ZMYND19: variants seen among roughly 807,000 people sequenced by gnomAD.
The protein encoded by ZMYND19 is zinc finger MYND domain-containing protein 19.
A neutral mutation model predicts 32.0 loss-of-function variants in ZMYND19; 17 were observed. The observed-to-expected ratio is 0.53, with a 90% CI of 0.36 to 0.80. The LOEUF (loss-of-function observed/expected upper bound fraction) is 0.80, where lower values mean the gene tolerates loss of function less well. Ranked by LOEUF, ZMYND19 falls within the 30% of genes least tolerant of loss-of-function variation. ZMYND19 has a pLI of 0.00. For missense variants in ZMYND19, 250 were observed against 293.6 expected (o/e 0.85, Z 1.09); for synonymous variants, 124 against 113.6 (o/e 1.09, Z -0.58).
At chr9:137,587,574 G>A in intron 3 of ZMYND19, 143 bp downstream of exon 3, 1 of 728,454 alleles carries the variant, frequency 1.4e-6, no homozygotes, top group Non-Finnish European at 2.4e-6. Flanking sequence ...TTGGGTTAGT[G>A]GTGAAGGACA....
chr9:137,587,844 G>A (rs199762756), intron 2 of ZMYND19, 21 bp from the exon 3 acceptor site: 1 of 1,610,886 alleles, frequency 6.2e-7, no homozygotes, highest in Non-Finnish European at 8.5e-7. Flanking sequence ...ACAAGGGAAA[G>A]AGCTGTTAAA....
chr9:137,585,007 C>A (rs1842187895), intron 4 of ZMYND19, among the ~76,000 whole-genome samples: 1 of 152,176 alleles, frequency 6.6e-6, no homozygotes, highest in African/African-American at 2.4e-5. Context: ...AGAATAAAAA[C>A]CCCATTCAAC....
At chr9:137,589,248 T>C (rs1842241733) in intron 1 of ZMYND19, 2 of 786,622 alleles carry the variant, frequency 2.5e-6, no homozygotes, top group Non-Finnish European at 3.1e-6. Flanking sequence ...GTCTCCGACC[T>C]GACTGGAGAG....
In ZMYND19 at chr9:137,582,309, A is replaced by C; in HGVS notation, c.*234T>G. On this transcript the variant is annotated 3_prime_UTR_variant, in exon 6 of 6. Coordinates refer to ENST00000298585, the MANE Select transcript of ZMYND19 (RefSeq NM_138462.3). The stretch of plus-strand genomic sequence containing the variant: ...TGTACATGAGTTTACAAACATATTA[A>C]CATATAAATAATGAGAACCGTCCTG... 1 of 501,588 alleles carries C rather than the reference A, an allele frequency of 2.0e-6. No homozygotes were observed. Among genetic ancestry groups the C allele is most frequent in the East Asian group, 3.3e-5 (1 of 30,176 alleles). 31.1% of individuals were successfully genotyped at this position (501,588 alleles called of 1,614,324 possible).
intron 1 of ZMYND19, chr9:137,589,174 T>C (rs776641711): frequency 1.5e-4 from 34 of 230,104 alleles, no homozygotes; most frequent in Non-Finnish European, 2.5e-4. Context: ...CCATCTGAAA[T>C]GTTCCAAAGA....
rs543748046 is a variant in ZMYND19, at chr9:137,583,029, G to C, written c.494C>G (p.Thr165Ser). 59 of 1,614,082 alleles carry C rather than the reference G, an allele frequency of 3.7e-5. No homozygotes were observed. Among genetic ancestry groups the C allele is most frequent in the Non-Finnish European group, 4.2e-5 (50 of 1,180,040 alleles). ...GGGAGGGTAGTGGCACTCATAGTAG[G>C]TGCAAGAGTTCTCCTCCTCTTCCAC... The part of the protein sequence containing the change: ...DVVEEEENSC[T>S]YYECHYPPCT... Residue 165 changes from threonine (T) to serine (S), a missense_variant, in exon 5 of 6, where the codon ACC becomes AGC. Transcript: ENST00000298585.
rs771324099 is a variant in ZMYND19 at position 137,582,589 on chromosome 9, C to T, written c.638G>A (p.Arg213Gln). Residue 213 changes from arginine to glutamine, a missense_variant, in exon 6 of 6, where the codon CGG becomes CAG. Arg to Gln is a conservative substitution (Grantham distance 43). This residue lies in a region of ZMYND19 where 38 missense variants were observed against 74.9 expected (regional missense o/e 0.51). Coordinates refer to ENST00000298585, the MANE Select transcript of ZMYND19 (RefSeq NM_138462.3). Reference protein sequence around the residue: ...KDWPAHKKHCRERKRPFQHEL... With the variant: ...KDWPAHKKHCQERKRPFQHEL... ...ATGCTGGAAGGGACGCTTCCTCTCCCGACAGTGCTTCTTGTGGGCAGGCCA... is the reference window on the plus strand; with the variant it reads ...ATGCTGGAAGGGACGCTTCCTCTCCTGACAGTGCTTCTTGTGGGCAGGCCA... The T allele has an allele frequency of 3.7e-6, 6 of 1,613,594 alleles. No individual in the cohort carries two copies. Among genetic ancestry groups the T allele is most frequent in the East Asian group, 4.5e-5 (2 of 44,890 alleles).
At chr9:137,587,871 G>A (rs1487430464) in intron 2 of ZMYND19, 48 bp from the exon 3 acceptor site, 1 of 1,554,466 alleles carries the variant, frequency 6.4e-7, no homozygotes, top group African/African-American at 1.4e-5. Flanking sequence ...CCAATTCTCA[G>A]CAACACTTCA....
Position 137,590,435 on chromosome 9 carries a change from C to T in ZMYND19, c.-172G>A, listed in dbSNP as rs1422108154. On this transcript the variant is annotated 5_prime_UTR_variant, in exon 1 of 6. Coordinates refer to ENST00000298585, the MANE Select transcript of ZMYND19 (RefSeq NM_138462.3). This position sits in a 1 kb window ranked among gnomAD's most constrained non-coding sequence, Gnocchi z 4.2. Reference sequence around the variant, plus strand: ...TGGGCCGGGCTCGGGCCTCCGCCGCCGCCTCGCGCCCGCCGGACCTGCCAC... The same window carrying T: ...TGGGCCGGGCTCGGGCCTCCGCCGCTGCCTCGCGCCCGCCGGACCTGCCAC... 1.7e-5 allele frequency: 4 copies of T among 234,720 alleles called. No individual in the cohort carries two copies. Among genetic ancestry groups the T allele is most frequent in the Admixed American group, 1.3e-4 (2 of 14,828 alleles). 14.5% of individuals were successfully genotyped at this position (234,720 alleles called of 1,614,324 possible).
At chr9:137,586,575 G>A (rs1005189596) in intron 4 of ZMYND19, among the ~76,000 whole-genome samples, 11 of 150,588 alleles carry the variant, frequency 7.3e-5, no homozygotes, top group African/African-American at 2.5e-4. Flanking sequence ...GAATCCTGAG[G>A]TGAGCAGAGA....
intron 5 of ZMYND19, 104 bp downstream of exon 5, chr9:137,582,879 G>C (rs1213012261): frequency 6.5e-7 from 1 of 1,534,770 alleles, no homozygotes; most frequent in African/African-American, 1.4e-5. Flanking sequence ...GGTGCTAAGC[G>C]GTCTCTGGGG....
chr9:137,587,135 T>G (rs764183251), intron 3 of ZMYND19, 28 bp from the exon 4 acceptor site: 2 of 1,596,480 alleles, frequency 1.3e-6, no homozygotes, highest in South Asian at 2.2e-5. Flanking sequence ...ACCCTGCATC[T>G]AACCCTGCAT....
chr9:137,582,767 G>T (rs1254830686), intron 5 of ZMYND19, 81 bp from the exon 6 acceptor site: 11 of 1,557,744 alleles, frequency 7.1e-6, no homozygotes, highest in Non-Finnish European at 8.7e-6. Flanking sequence ...CGGACAATCT[G>T]ACGGACCCAG....
chr9:137,587,782 T>C lies in ZMYND19; in HGVS notation c.153A>G (p.Ile51Met). 6.2e-7 allele frequency: 1 copy of C among 1,614,092 alleles called. No individual in the cohort carries two copies. The highest frequency in any genetic ancestry group is 1.1e-5 in the South Asian group (1 of 91,086). Reference protein sequence around the residue: ...EVDADGNGAKIFAYAFDKNRG... With the variant: ...EVDADGNGAKMFAYAFDKNRG... ...GGTTCTTGTCAAAGGCATAGGCAAATATCTTAGCACCATTTCCATCTGCAT... is the reference window on the plus strand; with the variant it reads ...GGTTCTTGTCAAAGGCATAGGCAAACATCTTAGCACCATTTCCATCTGCAT... Residue 51 changes from isoleucine to methionine, a missense_variant, in exon 3 of 6, where the codon ATA becomes ATG. By Grantham distance (10) the Ile-to-Met change is conservative. Around this residue, in one of 2 missense-constraint regions of ZMYND19, gnomAD observed 212 missense variants for 218.8 expected, o/e 0.97. Transcript: ENST00000298585.
At position 137,590,113 on chromosome 9, in the gene ZMYND19, C is replaced by G; in HGVS notation, c.51+100G>C. ...CCCCGCTGGGGCCCATCCCGGGCTC[C>G]GCGCCCCCGCCCCGGCCGCCGCCCG... On this transcript the variant is annotated intron_variant, in intron 1 of 5. Transcript: ENST00000298585. This position sits in a 1 kb window ranked among gnomAD's most constrained non-coding sequence, Gnocchi z 4.2. 4.1e-6 allele frequency: 4 copies of G among 982,386 alleles called. No individual in the cohort carries two copies. The highest frequency in any genetic ancestry group is 3.6e-6 in the Non-Finnish European group (3 of 828,632). 60.9% of individuals were successfully genotyped at this position (982,386 alleles called of 1,614,324 possible).
Position 137,590,398 on chromosome 9 carries a change from G to C in ZMYND19, c.-135C>G. 1 of 473,752 alleles carries C rather than the reference G, an allele frequency of 2.1e-6. No homozygotes were observed. Among genetic ancestry groups the C allele is most frequent in the Non-Finnish European group, 2.7e-6 (1 of 363,778 alleles). The allele number at this position is 473,752 out of a possible 1,614,324, so 29.3% of individuals were successfully genotyped here. ...GGGGTAGCAGCCAGGCGGGCTCCGG[G>C]CGGGACGAGGCTGGGCCGGGCTCGG... On this transcript the variant is annotated 5_prime_UTR_variant, in exon 1 of 6. Coordinates refer to ENST00000298585, the MANE Select transcript of ZMYND19 (RefSeq NM_138462.3). This position sits in a 1 kb window ranked among gnomAD's most constrained non-coding sequence, Gnocchi z 4.2.
intron 4 of ZMYND19, among the ~76,000 whole-genome samples, chr9:137,584,581 C>A (rs114179892): frequency 6.6e-6 from 1 of 152,174 alleles, no homozygotes; most frequent in African/African-American, 2.4e-5. Flanking sequence ...GAGCAGCGGG[C>A]GAACTTGCGG....
chr9:137,582,493 T>C lies in ZMYND19; in HGVS notation c.*50A>G, dbSNP rs1329340883. On this transcript the variant is annotated 3_prime_UTR_variant, in exon 6 of 6. Transcript: ENST00000298585. ...TTCAACCACCAGTCTGTCTCTGCTG[T>C]GCCCAGGGTAGAGCCCGGGGGCTGT... 2.5e-6 allele frequency: 4 copies of C among 1,582,762 alleles called. No individual in the cohort carries two copies. The African/African-American group carries it at 5.4e-5, about 21-fold the overall frequency.
At position 137,590,280 on chromosome 9, in the gene ZMYND19, T is replaced by C; in HGVS notation, c.-17A>G. 9.3e-7 allele frequency: 1 copy of C among 1,074,264 alleles called. No individual in the cohort carries two copies. Among genetic ancestry groups the C allele is most frequent in the Non-Finnish European group, 1.1e-6 (1 of 883,148 alleles). 66.5% of individuals were successfully genotyped at this position (1,074,264 alleles called of 1,614,324 possible). On this transcript the variant is annotated 5_prime_UTR_variant, in exon 1 of 6. Coordinates refer to ENST00000298585, the MANE Select transcript of ZMYND19 (RefSeq NM_138462.3). The surrounding 1 kb of genome is among the most constrained non-coding windows in gnomAD (Gnocchi z 4.2). ...GTCGGTCATGGCCGGGCCTGCGCTC[T>C]CGGCCGGCAGCGCCGCTCCCTCGGG...
Sources: gnomAD v4.1 joint callset for allele counts (sites outside exome capture counted in the v4.1 genomes callset) on GRCh38, gnomAD v4.1.1 for gene constraint, gnomAD v4.1.1 regional missense constraint, Gnocchi (gnomAD v3.1) non-coding constraint, MANE v1.5 for transcripts, NCBI Gene and HGNC (gene_info 2026-07-23, HGNC 2026-07-21) for gene names.